COL10A1: variants seen among roughly 807,000 people sequenced by gnomAD.
The protein encoded by COL10A1 is collagen type X alpha 1 chain.
Under a neutral mutation model 18.2 loss-of-function variants are expected in COL10A1, and 10 were observed. The observed-to-expected ratio is 0.55, with a 90% CI of 0.34 to 0.93. The LOEUF is 0.93. Ranked by LOEUF, COL10A1 falls within the 40% of genes least tolerant of loss-of-function variation. COL10A1 has a pLI of 0.02. For missense variants in COL10A1, 897 were observed against 853.5 expected (o/e 1.05, Z -0.64); for synonymous variants, 330 against 316.6 (o/e 1.04, Z -0.45).
chr6:116,196,382 A>G, the COL10A1 span, among the ~76,000 whole-genome samples: 2 of 152,094 alleles, frequency 1.3e-5, no homozygotes, highest in Non-Finnish European at 2.9e-5. Context: ...GAGTTCAGTT[A>G]ATCAAAATTT....
the COL10A1 span, among the ~76,000 whole-genome samples, chr6:116,199,101 A>G: frequency 6.6e-6 from 1 of 152,026 alleles, no homozygotes; most frequent in Non-Finnish European, 1.5e-5. Context: ...AGAAATTGCC[A>G]AATGTCCCTG....
chr6:116,173,812 C>T, the COL10A1 span, among the ~76,000 whole-genome samples: 1 of 152,098 alleles, frequency 6.6e-6, no homozygotes, highest in African/African-American at 2.4e-5. Context: ...GTACCTTTGT[C>T]ACATCTAAGA....
In COL10A1 at chr6:116,144,512, A is replaced by C. The variant is rs538002328; in HGVS notation, c.-16+14102T>G. Among the ~76,000 whole-genome samples the C allele has an allele frequency of 2.6e-3, 394 of 152,274 alleles. 10 individuals are homozygous for C. The South Asian group carries it at 0.043, about 17-fold the overall frequency. On this transcript the variant is annotated intron_variant, in intron 1 of 1. Coordinates refer to the COL10A1 transcript ENST00000418500. Reference sequence around the variant, plus strand: ...GAGACTCCGTCTCAAAAAAAAAAAAAAGTGTAAAAGGAGAACACCAACTTT... The same window carrying C: ...GAGACTCCGTCTCAAAAAAAAAAAACAGTGTAAAAGGAGAACACCAACTTT...
At chr6:116,193,487 A>G in the COL10A1 span, among the ~76,000 whole-genome samples, 4 of 152,068 alleles carry the variant, frequency 2.6e-5, no homozygotes, top group Non-Finnish European at 4.4e-5. Context: ...CTGTTTCTCT[A>G]ACTTTAAGTT....
intron 1 of COL10A1, among the ~76,000 whole-genome samples, chr6:116,142,782 T>A (rs1779799392): frequency 6.6e-6 from 1 of 152,256 alleles, no homozygotes; most frequent in Non-Finnish European, 1.5e-5. Flanking sequence ...GTGAACTGTC[T>A]GGCTCAGACT....
the COL10A1 span, among the ~76,000 whole-genome samples, chr6:116,187,362 A>G: frequency 1.1e-4 from 17 of 152,092 alleles, no homozygotes; most frequent in Non-Finnish European, 1.9e-4. Context: ...ACTGAAGCTC[A>G]TGCCACAATT....
the COL10A1 span, among the ~76,000 whole-genome samples, chr6:116,208,060 C>T: frequency 1.1e-3 from 167 of 152,106 alleles, no homozygotes; most frequent in African/African-American, 3.5e-3. Context: ...TTGAGCACTT[C>T]AGTCCTCAGT....
chr6:116,191,032 C>T, the COL10A1 span, among the ~76,000 whole-genome samples: 325 of 152,036 alleles, frequency 2.1e-3, 1 homozygote, highest in African/African-American at 7.1e-3. Context: ...GTGACTTCCC[C>T]GAAGTTGCAC....
intron 1 of COL10A1, among the ~76,000 whole-genome samples, chr6:116,157,801 T>C (rs893904431): frequency 1.3e-5 from 2 of 152,160 alleles, no homozygotes; most frequent in African/African-American, 4.8e-5. Context: ...AAACTGATAA[T>C]AAGACCACCC....
At chr6:116,141,483 C>G (rs1432637116) in intron 1 of COL10A1, among the ~76,000 whole-genome samples, 1 of 151,842 alleles carries the variant, frequency 6.6e-6, no homozygotes, top group East Asian at 1.9e-4. Flanking sequence ...GTTCTTTTCC[C>G]AACTTTCCAG....
At chr6:116,143,329 A>C (rs754684701) in intron 1 of COL10A1, among the ~76,000 whole-genome samples, 1 of 151,732 alleles carries the variant, frequency 6.6e-6, no homozygotes, top group Non-Finnish European at 1.5e-5. Context: ...TCCTGCCTCA[A>C]CCTCTCAAGT....
chr6:116,166,313 A>T, the COL10A1 span, among the ~76,000 whole-genome samples: 1 of 152,188 alleles, frequency 6.6e-6, no homozygotes, highest in Non-Finnish European at 1.5e-5. Flanking sequence ...GATAACTGAC[A>T]TCCAAAATCC....
chr6:116,213,487 G>A, the COL10A1 span, among the ~76,000 whole-genome samples: 220 of 152,140 alleles, frequency 1.4e-3, 1 homozygote, highest in African/African-American at 4.9e-3. Context: ...AGGGTCATTC[G>A]CACTGCATTC....
intron 2 of COL10A1, among the ~76,000 whole-genome samples, chr6:116,124,090 A>G (rs752852832): frequency 5.3e-5 from 8 of 152,052 alleles, no homozygotes; most frequent in Non-Finnish European, 8.8e-5. Context: ...ATTTTGAGAC[A>G]TTCAAAAGTA....
intron 1 of COL10A1, among the ~76,000 whole-genome samples, chr6:116,152,836 G>T (rs181153156): frequency 1.1e-4 from 16 of 152,094 alleles, no homozygotes; most frequent in Non-Finnish European, 4.4e-5. Context: ...GCTAAATCCA[G>T]TTATTTATTT....
chr6:116,136,660 T>A (rs1779612435), intron 1 of COL10A1, among the ~76,000 whole-genome samples: 2 of 152,214 alleles, frequency 1.3e-5, no homozygotes, highest in South Asian at 4.1e-4. Context: ...ACTGTTCTGA[T>A]ATGGCAGTAT....
upstream of COL10A1, among the ~76,000 whole-genome samples, chr6:116,162,319 T>C (rs548350548): frequency 1.3e-5 from 2 of 152,230 alleles, no homozygotes; most frequent in Non-Finnish European, 2.9e-5. Context: ...CTATGTTGAA[T>C]AGGAGTGGTG....
At chr6:116,127,522 A>AT (rs1284270138), upstream of COL10A1, among the ~76,000 whole-genome samples, 8 of 152,194 alleles carry the variant, frequency 5.3e-5, no homozygotes, top group African/African-American at 1.9e-4. Context: ...TATATATGGA[A>AT]TAGCTTTTGT....
chr6:116,156,948 C>G (rs1460202803), intron 1 of COL10A1, among the ~76,000 whole-genome samples: 1 of 152,088 alleles, frequency 6.6e-6, no homozygotes, highest in Non-Finnish European at 1.5e-5. Context: ...GCCACTCACT[C>G]CCTGGCAAGA....
Sources: allele counts gnomAD v4.1 joint callset (sites outside exome capture counted in the v4.1 genomes callset), GRCh38; gene constraint gnomAD v4.1.1; transcripts MANE v1.5; gene names NCBI Gene and HGNC (gene_info 2026-07-23, HGNC 2026-07-21).